The following RPTOR variants were observed in gnomAD, a reference collection of about 807,000 sequenced individuals.
The protein encoded by RPTOR is regulatory-associated protein of mTOR.
A neutral mutation model predicts 169.9 loss-of-function variants in RPTOR; 21 were observed. That is an observed-to-expected ratio of 0.12 (90% CI 0.09 to 0.18). The LOEUF is 0.18. Ranked by LOEUF, RPTOR falls within the 10% of genes least tolerant of loss-of-function variation. The pLI is 1.00. For missense variants in RPTOR, 1,133 were observed against 1,855.9 expected, an observed-to-expected ratio of 0.61 and a Z score of 7.16; for synonymous variants, 732 against 753.2, an observed-to-expected ratio of 0.97 and a Z score of 0.46.
At position 80,932,212 on chromosome 17, in the gene RPTOR, G is replaced by T. The variant is rs569107289; in HGVS notation, c.2919+6732G>T. On this transcript the variant is annotated intron_variant, in intron 24 of 33. Coordinates refer to ENST00000306801, the MANE Select transcript of RPTOR (RefSeq NM_020761.3). ...ACACATGAAGTCTGGAATTCATTCA[G>T]AAATTAGGAGAGGCTGGGCATGGTG... 2.0e-5 allele frequency among the ~76,000 whole-genome samples: 3 copies of T among 151,568 alleles called. No homozygotes were observed. In the East Asian group the frequency reaches 5.8e-4, roughly 29 times the overall value.
At chr17:80,631,868 G>A (rs2143552655) in intron 2 of RPTOR, among the ~76,000 whole-genome samples, 1 of 152,302 alleles carries the variant, frequency 6.6e-6, no homozygotes, top group African/African-American at 2.4e-5. Context: ...GAGCTTGGGA[G>A]GTCGAGGCTG....
chr17:80,636,842 C>T (rs894693322), intron 2 of RPTOR, among the ~76,000 whole-genome samples: 7 of 152,244 alleles, frequency 4.6e-5, no homozygotes, highest in Admixed American at 3.9e-4. Context: ...GTGCCTCTTC[C>T]GCTGCTTTCT....
In RPTOR at chr17:80,562,812, G is replaced by A. The variant is rs2084517510; in HGVS notation, c.162+17021G>A. 6.6e-6 allele frequency among the ~76,000 whole-genome samples: 1 copy of A among 152,100 alleles called. No individual in the cohort carries two copies. On this transcript the variant is annotated intron_variant, in intron 1 of 33. Coordinates refer to ENST00000306801, the MANE Select transcript of RPTOR (RefSeq NM_020761.3). This position sits in a 1 kb window ranked among gnomAD's most constrained non-coding sequence, Gnocchi z 4.4. Reference sequence around the variant, plus strand: ...ACAAAAAACAAAAACAAAGTAGATCGGACAAGCAGTTTAAAGATATATCAA... The same window carrying A: ...ACAAAAAACAAAAACAAAGTAGATCAGACAAGCAGTTTAAAGATATATCAA...
intron 25 of RPTOR, 105 bp downstream of exon 25, chr17:80,940,706 A>G (rs889502028): frequency 1.1e-5 from 10 of 889,060 alleles, no homozygotes; most frequent in African/African-American, 1.7e-5. Context: ...AACCTTCTCC[A>G]GCCATCCACT....
intron 29 of RPTOR, among the ~76,000 whole-genome samples, chr17:80,958,541 G>A (rs2144092512): frequency 6.7e-6 from 1 of 150,100 alleles, no homozygotes; most frequent in South Asian, 2.1e-4. Context: ...CTCCCGAGTA[G>A]CTGGGACTAC....
intron 3 of RPTOR, among the ~76,000 whole-genome samples, chr17:80,686,127 T>G (rs553283365): frequency 1.3e-5 from 2 of 152,056 alleles, no homozygotes; most frequent in Admixed American, 6.5e-5. Flanking sequence ...TGAGTCTTCC[T>G]GTGCCCAGAT....
chr17:80,893,458 C>T (rs550270588), intron 19 of RPTOR, among the ~76,000 whole-genome samples: 10 of 114,048 alleles, frequency 8.8e-5, no homozygotes, highest in South Asian at 5.9e-4. Context: ...TGTGTATACG[C>T]GCCAGGTTGT....
intron 5 of RPTOR, 64 bp from the exon 6 acceptor site, chr17:80,753,946 T>C: frequency 7.2e-7 from 1 of 1,396,498 alleles, no homozygotes; most frequent in East Asian, 2.3e-5. Context: ...CAGCTGCAGC[T>C]TACTATTTGG....
At chr17:80,922,403 G>A (rs940256009) in intron 21 of RPTOR, among the ~76,000 whole-genome samples, 5 of 152,194 alleles carry the variant, frequency 3.3e-5, no homozygotes, top group Non-Finnish European at 7.4e-5. Flanking sequence ...TGAGGAGGGT[G>A]GGCCGTCATC....
chr17:80,733,328 T>G (rs980414666), intron 5 of RPTOR, among the ~76,000 whole-genome samples: 1 of 152,214 alleles, frequency 6.6e-6, no homozygotes, highest in Non-Finnish European at 1.5e-5. Context: ...AATATTCAAG[T>G]CTCTCCGCTT....
At chr17:80,603,353 A>G (rs2143458744) in intron 1 of RPTOR, among the ~76,000 whole-genome samples, 3 of 152,320 alleles carry the variant, frequency 2.0e-5, no homozygotes, top group Middle Eastern at 6.8e-3. Flanking sequence ...CGATGGTCTA[A>G]TTTGTACTAA....
In RPTOR at chr17:80,736,432, C is replaced by T. The variant is rs570858851; in HGVS notation, c.654+5726C>T. Among the ~76,000 whole-genome samples the T allele has an allele frequency of 5.9e-5, 9 of 152,254 alleles. No individual in the cohort carries two copies. In the South Asian group the frequency reaches 8.3e-4, roughly 14 times the overall value. The stretch of plus-strand genomic sequence containing the variant: ...CTCCCCAAGGCTGCAGTGACTTAAC[C>T]GCCCCCCGCCCCTACCAATGTGAAA... On this transcript the variant is annotated intron_variant, in intron 5 of 33. Coordinates refer to ENST00000306801, the MANE Select transcript of RPTOR (RefSeq NM_020761.3).
intron 6 of RPTOR, among the ~76,000 whole-genome samples, chr17:80,773,174 C>T (rs1036925303): frequency 2.2e-4 from 33 of 152,228 alleles, no homozygotes; most frequent in African/African-American, 7.7e-4. Context: ...TGCCCGGGAG[C>T]GGCACCACCA....
chr17:80,586,073 C>T (rs115720085), intron 1 of RPTOR, among the ~76,000 whole-genome samples: 2 of 152,090 alleles, frequency 1.3e-5, no homozygotes, highest in Non-Finnish European at 2.9e-5. Flanking sequence ...GCTCTGCAGC[C>T]AGGCAGATGG....
intron 3 of RPTOR, among the ~76,000 whole-genome samples, chr17:80,668,171 G>A (rs546214128): frequency 1.3e-5 from 2 of 152,296 alleles, no homozygotes; most frequent in African/African-American, 2.4e-5. Context: ...GGAGAGGCAG[G>A]TTGGGCCTCC....
At chr17:80,786,385 C>T (rs528357023) in intron 6 of RPTOR, among the ~76,000 whole-genome samples, 344 of 152,006 alleles carry the variant, frequency 2.3e-3, no homozygotes, top group South Asian at 9.9e-3. Context: ...AAAATGAAAA[C>T]AGCATTCAAT....
At chr17:80,826,859 G>A (rs2067449622) in intron 9 of RPTOR, among the ~76,000 whole-genome samples, 1 of 152,276 alleles carries the variant, frequency 6.6e-6, no homozygotes, top group Admixed American at 6.5e-5. Flanking sequence ...GGCCTGGGTG[G>A]CTTTGGGGTT....
intron 20 of RPTOR, among the ~76,000 whole-genome samples, chr17:80,901,632 A>C (rs1056144121): frequency 5.3e-5 from 8 of 152,152 alleles, no homozygotes; most frequent in African/African-American, 1.9e-4. Flanking sequence ...CCCTGTTTCC[A>C]GCCAATTTCT....
chr17:80,750,493 C>T lies in RPTOR; in HGVS notation c.655-3517C>T, dbSNP rs371892128. On this transcript the variant is annotated intron_variant, in intron 5 of 33. Transcript: ENST00000306801. Reference sequence around the variant, plus strand: ...CCCTTTCCGGAGGCCAGGGAGAGTGCGTTTCCACCAAGCGCAGGAGTCAGC... The same window carrying T: ...CCCTTTCCGGAGGCCAGGGAGAGTGTGTTTCCACCAAGCGCAGGAGTCAGC... 7.2e-5 allele frequency among the ~76,000 whole-genome samples: 11 copies of T among 152,268 alleles called. No individual in the cohort carries two copies. In the South Asian group the frequency reaches 8.3e-4, roughly 11 times the overall value.
Sources: allele counts gnomAD v4.1 joint callset (sites outside exome capture counted in the v4.1 genomes callset), GRCh38; gene constraint gnomAD v4.1.1; non-coding constraint Gnocchi (gnomAD v3.1); transcripts MANE v1.5; gene names NCBI Gene and HGNC (gene_info 2026-07-23, HGNC 2026-07-21).